Variants in CYP19A1 observed in about 807,000 individuals in gnomAD.
CYP19A1 encodes the protein cytochrome P450 family 19 subfamily A member 1, also known as aromatase.
Under a neutral mutation model 44.4 loss-of-function variants are expected in CYP19A1, and 32 were observed. The observed-to-expected ratio is 0.72, with a 90% confidence interval of 0.54 to 0.97. The LOEUF is 0.97. CYP19A1 is among the 50% of genes least tolerant of loss of function. The pLI, the probability that CYP19A1 is intolerant of heterozygous loss-of-function variation, is 0.00. For missense variants in CYP19A1, 598 were observed against 637.8 expected (o/e 0.94, Z 0.67); for synonymous variants, 212 against 215.6 (o/e 0.98, Z 0.14).
chr15:51,223,597 A>T (rs199660319), intron 4 of CYP19A1, among the ~76,000 whole-genome samples: 171 of 70,298 alleles, frequency 2.4e-3, no homozygotes, highest in African/African-American at 3.3e-3. Flanking sequence ...TCTCTCTCAC[A>T]CACACACACA....
At chr15:51,270,979 G>A (rs2035103346) in intron 1 of CYP19A1, among the ~76,000 whole-genome samples, 1 of 151,996 alleles carries the variant, frequency 6.6e-6, no homozygotes, top group South Asian at 2.1e-4. Context: ...CTCCCAAATT[G>A]CTTTCTGAGG....
chr15:51,282,763 T>C (rs1379481604), intron 1 of CYP19A1, among the ~76,000 whole-genome samples: 1 of 152,180 alleles, frequency 6.6e-6, no homozygotes, highest in Non-Finnish European at 1.5e-5. Context: ...AGGGGATGCA[T>C]TGTCAAAGGA....
At chr15:51,276,187 GC>G (rs1429140664) in intron 1 of CYP19A1, among the ~76,000 whole-genome samples, 2 of 152,140 alleles carry the variant, frequency 1.3e-5, no homozygotes, top group Non-Finnish European at 1.5e-5. Context: ...GAATGATTTG[GC>G]TTAGTCTATA....
In CYP19A1 at chr15:51,215,106, C is replaced by T; in HGVS notation, c.985G>A (p.Glu329Lys). The T allele has an allele frequency of 6.2e-7, 1 of 1,613,960 alleles. No individual in the cohort carries two copies. Among genetic ancestry groups the T allele is most frequent in the South Asian group, 1.1e-5 (1 of 91,062 alleles). Residue 329 changes from glutamate (E) to lysine (K), a missense_variant, in exon 8 of 10, where the codon GAA (glutamate) becomes AAA (lysine). Coordinates refer to ENST00000396402, the MANE Select transcript of CYP19A1 (RefSeq NM_000103.4). ...LFLIAKHPNV[E>K]EAIIKEIQTV... ...TGGATTTCCTTTATTATTGCCTCTT[C>T]AACATTAGGGTGCTTTGCAATGAGA...
At chr15:51,248,984 T>G (rs1332970232) in intron 1 of CYP19A1, among the ~76,000 whole-genome samples, 2 of 151,040 alleles carry the variant, frequency 1.3e-5, no homozygotes, top group Non-Finnish European at 2.9e-5. Flanking sequence ...CAGGCTGGAG[T>G]GCTGGAGTGC....
chr15:51,284,696 T>C (rs1457166529), intron 1 of CYP19A1, among the ~76,000 whole-genome samples: 1 of 152,112 alleles, frequency 6.6e-6, no homozygotes, highest in Non-Finnish European at 1.5e-5. Context: ...GATCAACCCA[T>C]AACTGCAGTG....
At chr15:51,278,664 C>T (rs2035411438) in intron 1 of CYP19A1, among the ~76,000 whole-genome samples, 1 of 152,190 alleles carries the variant, frequency 6.6e-6, no homozygotes, top group East Asian at 1.9e-4. Flanking sequence ...ACGTGATTGT[C>T]ACTGCATCAG....
chr15:51,212,467 C>G lies in CYP19A1; in HGVS notation c.1116G>C (p.Leu372Phe). The change falls in exon 9 of 10, where the codon TTG (leucine) becomes TTC (phenylalanine). Residue 372 changes from leucine (L) to phenylalanine (F), a missense_variant. By Grantham distance (22) the Leu-to-Phe change is conservative (BLOSUM62 0). Coordinates refer to ENST00000396402, the MANE Select transcript of CYP19A1 (RefSeq NM_000103.4). ...ESMRYQPVVD[L>F]VMRKALEDDV... Reference sequence around the variant, plus strand: ...CATCTTCTAAGGCTTTGCGCATGACCAAGTCCACGACAGGCTGGTACCGCA... The same window carrying G: ...CATCTTCTAAGGCTTTGCGCATGACGAAGTCCACGACAGGCTGGTACCGCA... 1 of 1,609,040 alleles carries G rather than the reference C, an allele frequency of 6.2e-7. No homozygotes were observed. Among genetic ancestry groups the G allele is most frequent in the Non-Finnish European group, 8.5e-7 (1 of 1,175,426 alleles).
chr15:51,264,858 C>T (rs896145795), intron 1 of CYP19A1, among the ~76,000 whole-genome samples: 4 of 152,146 alleles, frequency 2.6e-5, no homozygotes, highest in African/African-American at 4.8e-5. Context: ...CAAGACCACC[C>T]CCAAATTAGG....
At position 51,308,137 on chromosome 15, in the gene CYP19A1, C is replaced by T. The variant is rs57062469; in HGVS notation, c.-39+30358G>A. On this transcript the variant is annotated intron_variant, in intron 1 of 9. Coordinates refer to ENST00000396402, the MANE Select transcript of CYP19A1 (RefSeq NM_000103.4). ...CTCTGGGATGCAACATGCAGGTTCCCGCAACCCTCCTGGAGTAGGAGGAGA... is the reference window on the plus strand; with the variant it reads ...CTCTGGGATGCAACATGCAGGTTCCTGCAACCCTCCTGGAGTAGGAGGAGA... Among the ~76,000 whole-genome samples the T allele has an allele frequency of 9.7e-3, 1,480 of 152,292 alleles. 26 individuals are homozygous for T. Among genetic ancestry groups the T allele is most frequent in the African/African-American group, 0.034 (1,429 of 41,542 alleles).
At chr15:51,330,332 G>A (rs1482464359) in intron 1 of CYP19A1, among the ~76,000 whole-genome samples, 2 of 152,096 alleles carry the variant, frequency 1.3e-5, no homozygotes, top group African/African-American at 4.8e-5. Context: ...CCAAACTAAG[G>A]TGCAGGACAG....
At chr15:51,262,985 A>C (rs530274372) in intron 1 of CYP19A1, among the ~76,000 whole-genome samples, 3 of 152,376 alleles carry the variant, frequency 2.0e-5, no homozygotes, top group East Asian at 3.9e-4. Context: ...TGGAAAAGTT[A>C]AGATTTCAAG....
Position 51,214,997 on chromosome 15 carries a change from T to C in CYP19A1, c.1021+73A>G. 6 of 1,548,254 alleles carry C rather than the reference T, an allele frequency of 3.9e-6. No individual in the cohort carries two copies. In the South Asian group the frequency reaches 7.2e-5, roughly 19 times the overall value. On this transcript the variant is annotated intron_variant, in intron 8 of 9. Transcript: ENST00000396402. ...AAAAATTTCATGTTTGATATCAGAT[T>C]CTTAGGACATAAGAAATGGACATTC... is the stretch of plus-strand genomic sequence containing the variant.
Position 51,215,252 on chromosome 15 carries a change from GA to G in CYP19A1, c.859-21del. 1.2e-6 allele frequency: 2 copies of G among 1,613,886 alleles called. No individual in the cohort carries two copies. Among genetic ancestry groups the G allele is most frequent in the South Asian group, 2.2e-5 (2 of 91,074 alleles). On this transcript the variant is annotated intron_variant, in intron 7 of 9. Transcript: ENST00000396402. Reference sequence around the variant, plus strand: ...ACGTTTCTGAACAATTGGAAGATGGGAAAAATTTGGAAAAGTGAATCAAAGT... The same window carrying G: ...ACGTTTCTGAACAATTGGAAGATGGGAAAATTTGGAAAAGTGAATCAAAGT...
Position 51,210,766 on chromosome 15 carries a change from A to G in CYP19A1, c.*42T>C, listed in dbSNP as rs1051464583. On this transcript the variant is annotated 3_prime_UTR_variant, in exon 10 of 10. Transcript: ENST00000396402. ...AGGATGGATGATTTGTATGTGAACT[A>G]CTGATGAGAAATGCTCCAGAGTGGG... 3 of 1,260,912 alleles carry G rather than the reference A, an allele frequency of 2.4e-6. No homozygotes were observed. The Admixed American group carries it at 5.0e-5, about 21-fold the overall frequency. The allele number at this position is 1,260,912 out of a possible 1,614,324, so 78.1% of individuals were successfully genotyped here.
At chr15:51,311,126 A>G (rs896440601) in intron 1 of CYP19A1, among the ~76,000 whole-genome samples, 2 of 152,224 alleles carry the variant, frequency 1.3e-5, no homozygotes, top group African/African-American at 4.8e-5. Context: ...CCAGGAAAAC[A>G]TGACCAGTTC....
intron 3 of CYP19A1, among the ~76,000 whole-genome samples, chr15:51,229,670 A>G (rs1017094892): frequency 6.6e-6 from 1 of 152,166 alleles, no homozygotes; most frequent in Non-Finnish European, 1.5e-5. Context: ...ATAGGAAGGA[A>G]TGAAATTCTT....
At chr15:51,293,982 G>C (rs1000896698) in intron 1 of CYP19A1, 1 of 201,860 alleles carries the variant, frequency 5.0e-6, no homozygotes, top group Non-Finnish European at 9.9e-6. Context: ...CCGCCACCCC[G>C]TCTGGGAAGT....
rs745573360 is a variant in CYP19A1, at chr15:51,215,248, A to G, written c.859-16T>C. 1 of 1,614,018 alleles carries G rather than the reference A, an allele frequency of 6.2e-7. No homozygotes were observed. Among genetic ancestry groups the G allele is most frequent in the Non-Finnish European group, 8.5e-7 (1 of 1,179,944 alleles). On this transcript the variant is annotated splice_polypyrimidine_tract_variant and intron_variant, in intron 7 of 9. Coordinates refer to ENST00000396402, the MANE Select transcript of CYP19A1 (RefSeq NM_000103.4). ...CACCACGTTTCTGAACAATTGGAAG[A>G]TGGGAAAAATTTGGAAAAGTGAATC...
Sources: gnomAD v4.1 joint callset for allele counts (sites outside exome capture counted in the v4.1 genomes callset) on GRCh38, gnomAD v4.1.1 for gene constraint, MANE v1.5 for transcripts, NCBI Gene and HGNC (gene_info 2026-07-23, HGNC 2026-07-21) for gene names.